The following KIRREL3 variants were observed in gnomAD, a reference collection of about 807,000 sequenced individuals.
The protein encoded by KIRREL3 is kirre like nephrin family adhesion molecule 3, also known as kin of IRRE-like protein 3.
Under a neutral mutation model 89.7 loss-of-function variants are expected in KIRREL3, and 36 were observed. The observed-to-expected ratio is 0.40, with a 90% CI of 0.31 to 0.53. The LOEUF (loss-of-function observed/expected upper bound fraction) is 0.53, where lower values mean the gene tolerates loss of function less well. Ranked by LOEUF, KIRREL3 falls within the 20% of genes least tolerant of loss-of-function variation. The pLI, the probability that KIRREL3 is intolerant of heterozygous loss-of-function variation, is 0.49. For synonymous variants in KIRREL3, 445 were observed against 441.4 expected (o/e 1.01, Z -0.10); for missense variants, 864 against 1,056.6 (o/e 0.82, Z 2.53).
intron 1 of KIRREL3, among the ~76,000 whole-genome samples, chr11:126,939,130 G>A (rs535211198): frequency 6.6e-6 from 1 of 152,308 alleles, no homozygotes; most frequent in South Asian, 2.1e-4. Flanking sequence ...AGCTGCTGTG[G>A]GGGTCTGTGC....
At chr11:126,650,589 C>G (rs138126099) in intron 1 of KIRREL3, among the ~76,000 whole-genome samples, 131 of 152,328 alleles carry the variant, frequency 8.6e-4, no homozygotes, top group African/African-American at 3.0e-3. Flanking sequence ...CATTTCCAAA[C>G]AAGTTCCTTA....
intron 1 of KIRREL3, among the ~76,000 whole-genome samples, chr11:126,794,201 G>C (rs1950733114): frequency 6.6e-6 from 1 of 152,224 alleles, no homozygotes; most frequent in East Asian, 1.9e-4. Context: ...AAAATATTAA[G>C]TGTCAAATTT....
At chr11:126,573,650 C>G (rs1941094762) in intron 1 of KIRREL3, among the ~76,000 whole-genome samples, 2 of 152,218 alleles carry the variant, frequency 1.3e-5, no homozygotes. Context: ...AGCACGGCAG[C>G]AATTCAAACT....
intron 1 of KIRREL3, among the ~76,000 whole-genome samples, chr11:126,895,409 T>C (rs12285399): frequency 0.077 from 10,900 of 142,106 alleles, 1,345 homozygotes; most frequent in African/African-American, 0.27. Context: ...ATTCCACCAC[T>C]GTACACTGCA....
At chr11:126,800,395 C>A (rs988493546) in intron 1 of KIRREL3, among the ~76,000 whole-genome samples, 1 of 152,114 alleles carries the variant, frequency 6.6e-6, no homozygotes, top group Non-Finnish European at 1.5e-5. Flanking sequence ...TTGTGATCAC[C>A]CGGGTCAGAG....
intron 1 of KIRREL3, among the ~76,000 whole-genome samples, chr11:126,820,895 C>T (rs890412764): frequency 3.9e-5 from 6 of 152,060 alleles, no homozygotes; most frequent in African/African-American, 9.7e-5. Flanking sequence ...CTTGAGTTTT[C>T]GTGAGGACTA....
chr11:126,849,513 G>A (rs1944266894), intron 1 of KIRREL3, among the ~76,000 whole-genome samples: 1 of 152,138 alleles, frequency 6.6e-6, no homozygotes, highest in South Asian at 2.1e-4. Flanking sequence ...CCCCTTTCCA[G>A]TAACAGGACC....
chr11:126,852,059 T>G (rs1172967364), intron 1 of KIRREL3, among the ~76,000 whole-genome samples: 1 of 148,710 alleles, frequency 6.7e-6, no homozygotes, highest in Non-Finnish European at 1.5e-5. Context: ...CTTTTTTTTT[T>G]TTTTTTTTTT....
chr11:126,512,151 C>A (rs567898546), intron 4 of KIRREL3, among the ~76,000 whole-genome samples: 3 of 152,230 alleles, frequency 2.0e-5, no homozygotes, highest in Non-Finnish European at 1.5e-5. Context: ...TCCATTACCC[C>A]CCTCTTTCCT....
rs1284215248 is a variant in KIRREL3, at chr11:126,666,098, C to T, written c.56-103186G>A. The stretch of plus-strand genomic sequence containing the variant: ...TCTGATTTGCATCCATGGTTCAGAA[C>T]CACTTGCCTACTGCATTGTCTGTAT... On this transcript the variant is annotated intron_variant, in intron 1 of 16. Transcript: ENST00000525144. The surrounding 1 kb of genome is among the most constrained non-coding windows in gnomAD (Gnocchi z 4.2). Among the ~76,000 whole-genome samples the T allele has an allele frequency of 6.6e-6, 1 of 152,196 alleles. No individual in the cohort carries two copies. The highest frequency in any genetic ancestry group is 1.5e-5 in the Non-Finnish European group (1 of 68,040).
At chr11:126,806,553 C>G (rs905586463) in intron 1 of KIRREL3, among the ~76,000 whole-genome samples, 5 of 152,260 alleles carry the variant, frequency 3.3e-5, no homozygotes, top group African/African-American at 1.2e-4. Flanking sequence ...AGTGATACTC[C>G]CTGAGTTGAA....
Position 126,991,569 on chromosome 11 carries a change from T to G in KIRREL3, c.55+8886A>C, listed in dbSNP as rs527607441. On this transcript the variant is annotated intron_variant, in intron 1 of 16. Transcript: ENST00000525144. This position sits in a 1 kb window ranked among gnomAD's most constrained non-coding sequence, Gnocchi z 5.8. ...CTCTTCAGCCCCAAAGCCTGGCCTG[T>G]TATTTCCTCTGGAAACTTTGTACCC... 6.6e-6 allele frequency among the ~76,000 whole-genome samples: 1 copy of G among 152,240 alleles called. No individual in the cohort carries two copies. The highest frequency in any genetic ancestry group is 1.9e-4 in the East Asian group (1 of 5,178).
intron 1 of KIRREL3, among the ~76,000 whole-genome samples, chr11:126,711,516 C>T (rs111699119): frequency 0.072 from 10,883 of 152,134 alleles, 486 homozygotes; most frequent in Middle Eastern, 0.17. Context: ...GAACTGAGAT[C>T]GCGCCACTGC....
At chr11:126,801,393 G>T (rs1385501628) in intron 1 of KIRREL3, among the ~76,000 whole-genome samples, 1 of 152,138 alleles carries the variant, frequency 6.6e-6, no homozygotes, top group Non-Finnish European at 1.5e-5. Context: ...TACAGTCACC[G>T]ATGGGGATGA....
At position 126,782,147 on chromosome 11, in the gene KIRREL3, G is replaced by A. The variant is rs1950344846; in HGVS notation, c.55+218308C>T. ...CAGCCTTCCTAGGAATTAGGTTCAG[G>A]CCTGAGACTTAAAAGAGTCCTGTGT... On this transcript the variant is annotated intron_variant, in intron 1 of 16. Transcript: ENST00000525144. The surrounding 1 kb of genome is among the most constrained non-coding windows in gnomAD (Gnocchi z 4.1). 6.6e-6 allele frequency among the ~76,000 whole-genome samples: 1 copy of A among 152,130 alleles called. No homozygotes were observed. The highest frequency in any genetic ancestry group is 2.4e-5 in the African/African-American group (1 of 41,412).
At chr11:126,634,099 G>A (rs1944164767) in intron 1 of KIRREL3, among the ~76,000 whole-genome samples, 1 of 152,172 alleles carries the variant, frequency 6.6e-6, no homozygotes. Context: ...CAGTTGGAAG[G>A]GAACACGTTC....
chr11:126,475,042 G>T lies in KIRREL3; in HGVS notation c.434-1576C>A, dbSNP rs991405104. 1.3e-5 allele frequency among the ~76,000 whole-genome samples: 2 copies of T among 152,168 alleles called. No homozygotes were observed. Among genetic ancestry groups the T allele is most frequent in the Non-Finnish European group, 2.9e-5 (2 of 68,016 alleles). On this transcript the variant is annotated intron_variant, in intron 4 of 16. Coordinates refer to ENST00000525144, the MANE Select transcript of KIRREL3 (RefSeq NM_032531.4). The surrounding 1 kb of genome is among the most constrained non-coding windows in gnomAD (Gnocchi z 7.5). ...CCACCAGCTCTGGAGGCTGAGAGAGGCCCAGGGCCTCTGGACACATCAAGA... is the reference window on the plus strand; with the variant it reads ...CCACCAGCTCTGGAGGCTGAGAGAGTCCCAGGGCCTCTGGACACATCAAGA...
At chr11:126,933,535 T>C (rs1039628353) in intron 1 of KIRREL3, among the ~76,000 whole-genome samples, 7 of 151,580 alleles carry the variant, frequency 4.6e-5, no homozygotes, top group South Asian at 2.1e-4. Context: ...ATTTGTAGAT[T>C]ATTTCATATG....
Position 126,993,198 on chromosome 11 carries a change from A to G in KIRREL3, c.55+7257T>C, listed in dbSNP as rs562156017. Among the ~76,000 whole-genome samples, 8 of 152,216 alleles carry G rather than the reference A, an allele frequency of 5.3e-5. No homozygotes were observed. The highest frequency in any genetic ancestry group is 8.8e-5 in the Non-Finnish European group (6 of 68,030). ...ACCACAAACCCATAGGCTACTAGCA[A>G]TGTTTCTCAGGTGTTTACTTAATTA... On this transcript the variant is annotated intron_variant, in intron 1 of 16. Transcript: ENST00000525144. This position sits in a 1 kb window ranked among gnomAD's most constrained non-coding sequence, Gnocchi z 6.1.
Sources: allele counts gnomAD v4.1 joint callset (sites outside exome capture counted in the v4.1 genomes callset), GRCh38; gene constraint gnomAD v4.1.1; non-coding constraint Gnocchi (gnomAD v3.1); transcripts MANE v1.5; gene names NCBI Gene and HGNC (gene_info 2026-07-23, HGNC 2026-07-21).